The following IQCK variants were observed in gnomAD, a reference collection of about 807,000 sequenced individuals.
The protein encoded by IQCK is IQ motif containing K.
Under a neutral mutation model 28.1 loss-of-function variants are expected in IQCK, and 29 were observed. The ratio of observed to expected loss-of-function variants is 1.03; its 90% CI spans 0.77 to 1.41. The LOEUF (loss-of-function observed/expected upper bound fraction) is 1.41. Ranked by LOEUF, IQCK falls within the 40% of genes most tolerant of loss-of-function variation. The pLI is 0.00. For synonymous variants in IQCK, 113 were observed against 115.1 expected (o/e 0.98, Z 0.12); for missense variants, 359 against 314.7 (o/e 1.14, Z -1.07).
chr16:19,726,210 A>T (rs1977651397), intron 1 of IQCK, among the ~76,000 whole-genome samples: 1 of 151,648 alleles, frequency 6.6e-6, no homozygotes, highest in African/African-American at 2.4e-5. Context: ...CACCGTGCCC[A>T]GTCCGGAACT....
At chr16:19,779,995 AG>A (rs1362310318) in intron 6 of IQCK, among the ~76,000 whole-genome samples, 1 of 147,086 alleles carries the variant, frequency 6.8e-6, no homozygotes, top group Admixed American at 6.9e-5. Flanking sequence ...GGGACCTTAC[AG>A]GCGTGAGCCA....
chr16:19,727,129 T>A (rs551679609), intron 1 of IQCK, among the ~76,000 whole-genome samples: 2,014 of 135,038 alleles, frequency 0.015, 45 homozygotes, highest in African/African-American at 0.054. Flanking sequence ...AGACTCGGTC[T>A]CAAAAAAAAA....
chr16:19,849,078 C>CT (rs1399614486), intron 9 of IQCK, among the ~76,000 whole-genome samples: 1 of 152,000 alleles, frequency 6.6e-6, no homozygotes, highest in African/African-American at 2.4e-5. Context: ...TCTTTGGGCT[C>CT]TAATTGCAGC....
intron 7 of IQCK, among the ~76,000 whole-genome samples, chr16:19,804,502 A>G (rs1597574170): frequency 1.3e-5 from 2 of 151,652 alleles, no homozygotes; most frequent in South Asian, 4.2e-4. Context: ...CAGTGGTGCA[A>G]TCTCACCCTA....
chr16:19,727,556 C>CAG (rs1597496243), intron 1 of IQCK, among the ~76,000 whole-genome samples: 1 of 150,334 alleles, frequency 6.7e-6, no homozygotes, highest in East Asian at 2.0e-4. Flanking sequence ...CACTGCACTC[C>CAG]AGCCTGGGCG....
chr16:19,804,906 C>G lies in IQCK; in HGVS notation c.690+15984C>G, dbSNP rs947447674. On this transcript the variant is annotated intron_variant, in intron 7 of 7. Coordinates refer to ENST00000564186, the Ensembl canonical transcript of IQCK. ...TATTTCATCGTAAAGTTCCAACAATCGTTGTTTAAGCGCCAGATTCTTTTT... is the reference window on the plus strand; with the variant it reads ...TATTTCATCGTAAAGTTCCAACAATGGTTGTTTAAGCGCCAGATTCTTTTT... 8.5e-5 allele frequency among the ~76,000 whole-genome samples: 13 copies of G among 152,302 alleles called. 1 individual carries two copies. The South Asian group carries it at 2.7e-3, about 32-fold the overall frequency.
At chr16:19,842,109 A>G (rs2056368429) in intron 9 of IQCK, among the ~76,000 whole-genome samples, 1 of 152,116 alleles carries the variant, frequency 6.6e-6, no homozygotes, top group South Asian at 2.1e-4. Flanking sequence ...GTATCCCAAA[A>G]TGCTGGGATT....
intron 6 of IQCK, among the ~76,000 whole-genome samples, chr16:19,771,799 T>C (rs1458043881): frequency 1.3e-5 from 2 of 152,108 alleles, no homozygotes; most frequent in Admixed American, 1.3e-4. Flanking sequence ...ACTGAGAAAG[T>C]TCATGGTGGG....
At chr16:19,843,072 CT>C (rs57119472) in intron 9 of IQCK, among the ~76,000 whole-genome samples, 10,851 of 152,224 alleles carry the variant, frequency 0.071, 691 homozygotes, top group South Asian at 0.28. Context: ...AAATAACTTT[CT>C]TCTTAACTGA....
intron 6 of IQCK, among the ~76,000 whole-genome samples, chr16:19,773,015 T>TA (rs1567551616): frequency 6.6e-6 from 1 of 151,836 alleles, no homozygotes; most frequent in African/African-American, 2.4e-5. Context: ...AAAATAATAA[T>TA]AATTAAAAAA....
intron 4 of IQCK, among the ~76,000 whole-genome samples, chr16:19,738,786 G>A (rs2054793585): frequency 6.6e-6 from 1 of 152,170 alleles, no homozygotes; most frequent in Non-Finnish European, 1.5e-5. Context: ...CCTGAGTGGT[G>A]TCACTCTTGT....
At chr16:19,751,040 C>T (rs1225630468) in intron 4 of IQCK, among the ~76,000 whole-genome samples, 1 of 152,028 alleles carries the variant, frequency 6.6e-6, no homozygotes, top group Non-Finnish European at 1.5e-5. Context: ...GCTCTGCTAG[C>T]TCTGTGCCCC....
At chr16:19,853,633 T>G (rs1024543064) in intron 9 of IQCK, among the ~76,000 whole-genome samples, 2 of 152,100 alleles carry the variant, frequency 1.3e-5, no homozygotes, top group Non-Finnish European at 2.9e-5. Context: ...GCTATCTCTC[T>G]CTCTCTTTTT....
chr16:19,840,687 C>T (rs2056354240), intron 9 of IQCK, among the ~76,000 whole-genome samples: 1 of 152,154 alleles, frequency 6.6e-6, no homozygotes, highest in Admixed American at 6.5e-5. Flanking sequence ...GATGAAGAAA[C>T]TGAGGCAGAG....
At chr16:19,772,501 G>A (rs1056168311) in intron 6 of IQCK, among the ~76,000 whole-genome samples, 1 of 151,818 alleles carries the variant, frequency 6.6e-6, no homozygotes, top group Non-Finnish European at 1.5e-5. Context: ...TCATAGTCAT[G>A]ATTAAAAAGT....
At chr16:19,793,715 A>C (rs1207338086) in intron 7 of IQCK, among the ~76,000 whole-genome samples, 1 of 77,558 alleles carries the variant, frequency 1.3e-5, no homozygotes, top group Admixed American at 2.0e-4. Context: ...ATGAAGATGC[A>C]AAGGGACCCA....
intron 1 of IQCK, among the ~76,000 whole-genome samples, 190 bp from the exon 2 acceptor site, chr16:19,730,240 G>A (rs960582224): frequency 3.3e-5 from 5 of 152,214 alleles, no homozygotes; most frequent in African/African-American, 1.2e-4. Context: ...ACAGGTGTGA[G>A]CCACCGCACC....
chr16:19,743,952 TACAC>T (rs1248192484), intron 4 of IQCK, among the ~76,000 whole-genome samples: 3 of 152,188 alleles, frequency 2.0e-5, no homozygotes, highest in Non-Finnish European at 4.4e-5. Flanking sequence ...TTTGGCCAAT[TACAC>T]ACACATCTAT....
chr16:19,751,752 G>C (rs1010696673), intron 4 of IQCK, among the ~76,000 whole-genome samples: 1 of 152,154 alleles, frequency 6.6e-6, no homozygotes, highest in Middle Eastern at 3.4e-3. Context: ...TTGGTTTCTC[G>C]GAGGCATGGC....
Sources: allele counts gnomAD v4.1 joint callset (sites outside exome capture counted in the v4.1 genomes callset), GRCh38; gene constraint gnomAD v4.1.1; transcripts MANE v1.5; gene names NCBI Gene and HGNC (gene_info 2026-07-23, HGNC 2026-07-21).